Variants in IGF2BP3 observed in about 807,000 individuals in gnomAD.
IGF2BP3 encodes the protein insulin-like growth factor 2 mRNA-binding protein 3.
IGF2BP3 carries 9 observed loss-of-function variants against 73.8 expected under a neutral mutation model. The ratio of observed to expected loss-of-function variants is 0.12; its 90% CI spans 0.07 to 0.21. The LOEUF (loss-of-function observed/expected upper bound fraction) is 0.21, where lower values mean the gene tolerates loss of function less well. IGF2BP3 is among the 10% of genes least tolerant of loss of function. The pLI, the probability that IGF2BP3 is intolerant of heterozygous loss-of-function variation, is 1.00. For missense variants in IGF2BP3, 542 were observed against 714.0 expected (o/e 0.76, Z 2.75); for synonymous variants, 258 against 256.7 (o/e 1.01, Z -0.05).
At chr7:23,401,591 CCT>C (rs1786666265) in intron 3 of IGF2BP3, among the ~76,000 whole-genome samples, 1 of 151,704 alleles carries the variant, frequency 6.6e-6, no homozygotes, top group Non-Finnish European at 1.5e-5. Context: ...ACGGTGAAAC[CCT>C]GTCTCTACTA....
At chr7:23,406,440 TC>T (rs1401278127) in intron 3 of IGF2BP3, among the ~76,000 whole-genome samples, 1 of 152,112 alleles carries the variant, frequency 6.6e-6, no homozygotes, top group Non-Finnish European at 1.5e-5. Context: ...GTGTTACAGT[TC>T]TTAAAGATGG....
At chr7:23,378,783 A>T (rs940963932) in intron 3 of IGF2BP3, among the ~76,000 whole-genome samples, 24 of 151,970 alleles carry the variant, frequency 1.6e-4, no homozygotes, top group African/African-American at 5.6e-4. Context: ...CATGTTGGCC[A>T]GGATGGTCTC....
intron 3 of IGF2BP3, among the ~76,000 whole-genome samples, chr7:23,417,983 A>C (rs1253631233): frequency 2.0e-5 from 3 of 152,210 alleles, no homozygotes; most frequent in Non-Finnish European, 4.4e-5. Context: ...GGAGAATCAG[A>C]CTTAGATCAA....
chr7:23,460,965 TAAA>T (rs1426111441), intron 2 of IGF2BP3, among the ~76,000 whole-genome samples: 3 of 151,882 alleles, frequency 2.0e-5, no homozygotes, highest in Non-Finnish European at 4.4e-5. Flanking sequence ...AATAAATAAA[TAAA>T]AAACTAAGAA....
chr7:23,363,076 C>T (rs117444157), intron 3 of IGF2BP3, among the ~76,000 whole-genome samples: 2,448 of 152,148 alleles, frequency 0.016, 32 homozygotes, highest in Non-Finnish European at 0.024. Flanking sequence ...GTTAAAAGGG[C>T]GGTTCCTTGA....
chr7:23,465,683 C>G (rs1400389024), intron 2 of IGF2BP3, among the ~76,000 whole-genome samples: 2 of 152,204 alleles, frequency 1.3e-5, no homozygotes, highest in African/African-American at 4.8e-5. Flanking sequence ...ATATCAAGTA[C>G]AAAGGTCACT....
intron 10 of IGF2BP3, among the ~76,000 whole-genome samples, chr7:23,325,530 T>A (rs1296349438): frequency 3.9e-5 from 6 of 152,194 alleles, no homozygotes; most frequent in Non-Finnish European, 7.3e-5. Flanking sequence ...GCCATCCTCA[T>A]CAAGCTACCA....
At chr7:23,447,225 GATGCTAACC>G (rs1480031955) in intron 2 of IGF2BP3, among the ~76,000 whole-genome samples, 4 of 151,848 alleles carry the variant, frequency 2.6e-5, no homozygotes, top group Non-Finnish European at 5.9e-5. Flanking sequence ...AGCCTCACCT[GATGCTAACC>G]ATGGGAGACA....
At chr7:23,449,143 T>C (rs1386813141) in intron 2 of IGF2BP3, among the ~76,000 whole-genome samples, 3 of 151,792 alleles carry the variant, frequency 2.0e-5, no homozygotes, top group Non-Finnish European at 4.4e-5. Flanking sequence ...CAAACTGACT[T>C]CCCTATCAAG....
intron 3 of IGF2BP3, among the ~76,000 whole-genome samples, chr7:23,368,335 GAAAGAAAA>G (rs1179226186): frequency 3.5e-5 from 4 of 113,300 alleles, no homozygotes; most frequent in African/African-American, 7.1e-5. Flanking sequence ...AGAAAAGAAA[GAAAGAAAA>G]AAAGAAAGAA....
intron 5 of IGF2BP3, among the ~76,000 whole-genome samples, chr7:23,352,919 T>C (rs1442425421): frequency 3.3e-5 from 5 of 152,114 alleles, no homozygotes; most frequent in Non-Finnish European, 7.3e-5. Context: ...CTGGGGTTTT[T>C]TGTTTGTTTG....
rs1023955406 is a variant in IGF2BP3, at chr7:23,311,831, T to C, written c.*531A>G. On this transcript the variant is annotated 3_prime_UTR_variant, in exon 15 of 15. Transcript: ENST00000258729. ...AGTAAAAATGCACGTTTAATACCCC[T>C]GCCAACACCATTCAGCACTTCCCTT... The C allele has an allele frequency of 1.3e-5, 2 of 152,902 alleles. No homozygotes were observed. Among genetic ancestry groups the C allele is most frequent in the African/African-American group, 4.8e-5 (2 of 41,460 alleles). 9.5% of individuals were successfully genotyped at this position (152,902 alleles called of 1,614,324 possible).
chr7:23,328,118 C>G (rs1419368686), intron 10 of IGF2BP3, among the ~76,000 whole-genome samples: 1 of 152,138 alleles, frequency 6.6e-6, no homozygotes, highest in East Asian at 1.9e-4. Context: ...TGGGCTGTAT[C>G]CTTTCTGCTA....
At chr7:23,372,535 C>G (rs191290012) in intron 3 of IGF2BP3, among the ~76,000 whole-genome samples, 2 of 152,252 alleles carry the variant, frequency 1.3e-5, no homozygotes, top group East Asian at 3.9e-4. Flanking sequence ...CCTTCACATC[C>G]TCATAACTTA....
At chr7:23,462,625 G>C (rs1177729355) in intron 2 of IGF2BP3, among the ~76,000 whole-genome samples, 2 of 152,182 alleles carry the variant, frequency 1.3e-5, no homozygotes, top group African/African-American at 4.8e-5. Context: ...GCCTCCCAAA[G>C]TGCTGGGATT....
intron 5 of IGF2BP3, among the ~76,000 whole-genome samples, chr7:23,356,961 C>T (rs147287611): frequency 6.6e-6 from 1 of 152,224 alleles, no homozygotes; most frequent in Non-Finnish European, 1.5e-5. Flanking sequence ...TATAAATACA[C>T]TGAATGAAAA....
intron 3 of IGF2BP3, among the ~76,000 whole-genome samples, chr7:23,411,239 T>C (rs981766648): frequency 2.0e-5 from 3 of 152,218 alleles, no homozygotes; most frequent in African/African-American, 4.8e-5. Flanking sequence ...TTTTCTTCTG[T>C]TGAGTTAAAG....
chr7:23,431,499 G>C (rs911126908), intron 2 of IGF2BP3, among the ~76,000 whole-genome samples: 2 of 151,976 alleles, frequency 1.3e-5, no homozygotes, highest in African/African-American at 4.8e-5. Context: ...GGTAGACCCA[G>C]GTCAAAAATC....
At chr7:23,451,158 C>T (rs989077311) in intron 2 of IGF2BP3, among the ~76,000 whole-genome samples, 2 of 152,178 alleles carry the variant, frequency 1.3e-5, no homozygotes, top group African/African-American at 4.8e-5. Context: ...TGGCTCATAC[C>T]TCTAATCCCA....
Sources: allele counts gnomAD v4.1 joint callset (sites outside exome capture counted in the v4.1 genomes callset), GRCh38; gene constraint gnomAD v4.1.1; transcripts MANE v1.5; gene names NCBI Gene and HGNC (gene_info 2026-07-23, HGNC 2026-07-21).